Variants in CCDC148 observed in about 807,000 individuals in gnomAD.
The protein encoded by CCDC148 is coiled-coil domain containing 148, also known as coiled-coil domain-containing protein 148.
A neutral mutation model predicts 85.7 loss-of-function variants in CCDC148; 89 were observed. The observed-to-expected ratio is 1.04, with a 90% CI of 0.87 to 1.24. CCDC148 has a LOEUF of 1.24. Among genes scored for constraint, CCDC148 ranks in the 50% most tolerant of loss-of-function variants. The pLI is 0.00. For synonymous variants in CCDC148, 230 were observed against 213.9 expected (o/e 1.08, Z -0.66); for missense variants, 692 against 671.7 (o/e 1.03, Z -0.33).
At chr2:158,360,783 G>A (rs1200170820) in intron 1 of CCDC148, among the ~76,000 whole-genome samples, 1 of 151,978 alleles carries the variant, frequency 6.6e-6, no homozygotes, top group Non-Finnish European at 1.5e-5. Flanking sequence ...AAAGGATCAT[G>A]ACACCTCGTC....
At chr2:158,421,826 A>G (rs1686799389) in intron 1 of CCDC148, among the ~76,000 whole-genome samples, 1 of 152,200 alleles carries the variant, frequency 6.6e-6, no homozygotes. Context: ...GATCAACAAA[A>G]TTGATAGACC....
chr2:158,332,613 A>G (rs1693195848), intron 7 of CCDC148, among the ~76,000 whole-genome samples: 1 of 151,698 alleles, frequency 6.6e-6, no homozygotes, highest in African/African-American at 2.4e-5. Context: ...GAATGGTACC[A>G]GCTCCTCTTT....
chr2:158,297,872 G>A (rs1691263190), intron 9 of CCDC148, among the ~76,000 whole-genome samples: 1 of 152,222 alleles, frequency 6.6e-6, no homozygotes, highest in African/African-American at 2.4e-5. Flanking sequence ...GCCATGCCAT[G>A]TCTGTCTCTT....
chr2:158,413,490 A>T (rs966931924), intron 1 of CCDC148, among the ~76,000 whole-genome samples: 3 of 152,330 alleles, frequency 2.0e-5, no homozygotes, highest in African/African-American at 7.2e-5. Context: ...TTTGATTATT[A>T]TCTCATATAA....
intron 1 of CCDC148, among the ~76,000 whole-genome samples, chr2:158,422,420 C>A (rs1686843116): frequency 6.6e-6 from 1 of 152,110 alleles, no homozygotes; most frequent in Non-Finnish European, 1.5e-5. Context: ...GGATGCAAGG[C>A]TTGTTCAACA....
At chr2:158,275,738 AAAAAAAAAAAACT>A (rs1210170716) in intron 9 of CCDC148, among the ~76,000 whole-genome samples, 1 of 40,632 alleles carries the variant, frequency 2.5e-5, no homozygotes, top group African/African-American at 6.7e-5. Flanking sequence ...TTTAAATTGA[AAAAAAAAAAAACT>A]CTGGAGAAAT....
chr2:158,276,940 C>T (rs1273831618), intron 9 of CCDC148, among the ~76,000 whole-genome samples: 1 of 152,098 alleles, frequency 6.6e-6, no homozygotes, highest in Non-Finnish European at 1.5e-5. Context: ...TCCAAACTGC[C>T]CAGCTAATAC....
Position 158,243,532 on chromosome 2 carries a change from C to T in CCDC148, c.1251+7240G>A, listed in dbSNP as rs527535693. 1.4e-4 allele frequency among the ~76,000 whole-genome samples: 21 copies of T among 152,248 alleles called. No individual in the cohort carries two copies. The South Asian group carries it at 3.5e-3, about 26-fold the overall frequency. ...CTTTTTGAAATAATCTCGTCTCTCTCGGTCTCCTGCCGAGATGGCTGAGGG... is the reference window on the plus strand; with the variant it reads ...CTTTTTGAAATAATCTCGTCTCTCTTGGTCTCCTGCCGAGATGGCTGAGGG... On this transcript the variant is annotated intron_variant, in intron 10 of 13. Transcript: ENST00000283233.
chr2:158,199,031 G>A lies in CCDC148; in HGVS notation c.1371-20035C>T, dbSNP rs561733153. Among the ~76,000 whole-genome samples the A allele has an allele frequency of 5.9e-5, 9 of 152,216 alleles. No homozygotes were observed. The South Asian group carries it at 1.9e-3, about 32-fold the overall frequency. On this transcript the variant is annotated intron_variant, in intron 11 of 13. Transcript: ENST00000283233. ...CAGTAGAGATTAGTTAAGCATAAAG[G>A]GATCTGCTTGAAAGGTATGTATAGG...
At chr2:158,193,411 C>A (rs74407773) in intron 11 of CCDC148, among the ~76,000 whole-genome samples, 8,905 of 152,074 alleles carry the variant, frequency 0.059, 875 homozygotes, top group African/African-American at 0.2. Context: ...ATAACATCAG[C>A]TATGGAAGTC....
At chr2:158,284,552 A>G (rs1259263759) in intron 9 of CCDC148, among the ~76,000 whole-genome samples, 1 of 152,146 alleles carries the variant, frequency 6.6e-6, no homozygotes, top group African/African-American at 2.4e-5. Context: ...CTTTGGAAAG[A>G]TCATGAAGGA....
intron 5 of CCDC148, 111 bp downstream of exon 5, chr2:158,340,131 A>G: frequency 2.6e-6 from 2 of 761,510 alleles, no homozygotes; most frequent in Non-Finnish European, 4.0e-6. Context: ...TTATTTATGT[A>G]TTAATATTAA....
intron 10 of CCDC148, among the ~76,000 whole-genome samples, chr2:158,246,603 C>A (rs1174849678): frequency 1.6e-4 from 25 of 152,154 alleles, no homozygotes. Flanking sequence ...TATAGGTCTG[C>A]ATAGCTGGTG....
intron 7 of CCDC148, among the ~76,000 whole-genome samples, chr2:158,331,079 G>T (rs574685067): frequency 5.3e-5 from 8 of 151,890 alleles, no homozygotes; most frequent in East Asian, 3.9e-4. Context: ...CTTGCTTCTC[G>T]AGTTCTTTTA....
At chr2:158,188,080 A>G (rs1337400080) in intron 11 of CCDC148, among the ~76,000 whole-genome samples, 3 of 151,986 alleles carry the variant, frequency 2.0e-5, no homozygotes, top group Admixed American at 1.3e-4. Context: ...ATGAGCCACT[A>G]TGGTACCCTG....
Position 158,285,499 on chromosome 2 carries a change from T to C in CCDC148, c.1110+23934A>G, listed in dbSNP as rs1690577325. Among the ~76,000 whole-genome samples, 5 of 151,868 alleles carry C rather than the reference T, an allele frequency of 3.3e-5. No individual in the cohort carries two copies. In the South Asian group the frequency reaches 1.0e-3, roughly 32 times the overall value. ...ATATACACATACATTCATACATACA[T>C]ATACTTCTAGCAAACTAAAACTATA... On this transcript the variant is annotated intron_variant, in intron 9 of 13. Coordinates refer to ENST00000283233, the MANE Select transcript of CCDC148 (RefSeq NM_138803.4).
chr2:158,242,800 G>A (rs555806089), intron 10 of CCDC148, among the ~76,000 whole-genome samples: 2 of 150,860 alleles, frequency 1.3e-5, no homozygotes, highest in South Asian at 2.1e-4. Context: ...CCAACATATA[G>A]TTGAATAAAG....
intron 1 of CCDC148, among the ~76,000 whole-genome samples, chr2:158,366,652 G>A (rs145124376): frequency 1.3e-5 from 2 of 152,248 alleles, no homozygotes; most frequent in African/African-American, 4.8e-5. Flanking sequence ...AGCTATTTGG[G>A]CCCAATGTAG....
intron 10 of CCDC148, among the ~76,000 whole-genome samples, chr2:158,245,651 T>C (rs74408182): frequency 6.6e-6 from 1 of 152,068 alleles, no homozygotes; most frequent in African/African-American, 2.4e-5. Flanking sequence ...AGCAACAACA[T>C]CTCCTAAACC....
Sources: allele counts gnomAD v4.1 joint callset (sites outside exome capture counted in the v4.1 genomes callset), GRCh38; gene constraint gnomAD v4.1.1; transcripts MANE v1.5; gene names NCBI Gene and HGNC (gene_info 2026-07-23, HGNC 2026-07-21).